Variants in CSMD3 observed in about 807,000 individuals in gnomAD.
The protein encoded by CSMD3 is CUB and Sushi multiple domains 3, also known as CUB and sushi domain-containing protein 3.
In CSMD3, 177 loss-of-function variants were observed where a neutral mutation model predicts 435.2. That is an observed-to-expected ratio of 0.41 (90% CI 0.36 to 0.46). The LOEUF is 0.46. Ranked by LOEUF, CSMD3 falls within the 20% of genes least tolerant of loss-of-function variation. The probability of loss-of-function intolerance (pLI) is 0.34; values close to 1 mark genes in which losing one functional copy is unlikely to be tolerated. For synonymous variants in CSMD3, 1,656 were observed against 1,520.5 expected, an observed-to-expected ratio of 1.09 and a Z score of -2.07; for missense variants, 4,265 against 4,504.6, an observed-to-expected ratio of 0.95 and a Z score of 1.52.
intron 44 of CSMD3, among the ~76,000 whole-genome samples, chr8:112,336,265 T>C (rs1157956917): frequency 6.6e-6 from 1 of 152,164 alleles, no homozygotes; most frequent in Non-Finnish European, 1.5e-5. Flanking sequence ...TACAATTAAA[T>C]TTTTATGGCA....
At chr8:112,773,154 G>T (rs1055324044) in intron 13 of CSMD3, among the ~76,000 whole-genome samples, 1 of 151,500 alleles carries the variant, frequency 6.6e-6, no homozygotes, top group Non-Finnish European at 1.5e-5. Context: ...TTCAAAAACA[G>T]GAAAAAATGC....
intron 22 of CSMD3, among the ~76,000 whole-genome samples, chr8:112,633,458 A>G (rs2074573034): frequency 6.6e-6 from 1 of 152,060 alleles, no homozygotes; most frequent in African/African-American, 2.4e-5. Flanking sequence ...CTGATAAGAT[A>G]GTTGTATTAA....
chr8:112,501,219 A>T (rs1383996805), intron 30 of CSMD3, among the ~76,000 whole-genome samples: 3 of 151,886 alleles, frequency 2.0e-5, no homozygotes, highest in Non-Finnish European at 1.5e-5. Flanking sequence ...GACAACATAG[A>T]TATATTTTTG....
intron 27 of CSMD3, among the ~76,000 whole-genome samples, chr8:112,533,511 G>A (rs1825742789): frequency 6.6e-6 from 1 of 151,878 alleles, no homozygotes; most frequent in East Asian, 1.9e-4. Flanking sequence ...AAACTGAAAA[G>A]ATACAAAGGA....
At chr8:113,278,215 C>A (rs1056616436) in intron 3 of CSMD3, among the ~76,000 whole-genome samples, 1 of 151,772 alleles carries the variant, frequency 6.6e-6, no homozygotes, top group Admixed American at 6.6e-5. Context: ...AACTTCTTCT[C>A]TTGACTCTAA....
At chr8:112,886,127 T>C (rs2081589814) in intron 10 of CSMD3, among the ~76,000 whole-genome samples, 1 of 151,706 alleles carries the variant, frequency 6.6e-6, no homozygotes, top group East Asian at 1.9e-4. Context: ...TTTTTTCTGA[T>C]GTTGATTTAG....
At chr8:112,530,524 A>G (rs1277943341) in intron 27 of CSMD3, among the ~76,000 whole-genome samples, 1 of 152,182 alleles carries the variant, frequency 6.6e-6, no homozygotes, top group Non-Finnish European at 1.5e-5. Flanking sequence ...GAAAGAAAAA[A>G]TAGCCTGCCA....
At chr8:112,811,003 C>A (rs777617528) in intron 12 of CSMD3, among the ~76,000 whole-genome samples, 19 of 151,938 alleles carry the variant, frequency 1.3e-4, no homozygotes, top group Admixed American at 7.2e-4. Flanking sequence ...CAAGAATCTG[C>A]TTGAACTATT....
chr8:113,193,450 G>T (rs2092613228), intron 3 of CSMD3, among the ~76,000 whole-genome samples: 3 of 151,250 alleles, frequency 2.0e-5, no homozygotes, highest in African/African-American at 7.3e-5. Context: ...AAACTAGATT[G>T]CTTCTTAGCT....
intron 3 of CSMD3, among the ~76,000 whole-genome samples, chr8:113,255,820 A>G (rs938807495): frequency 6.6e-6 from 1 of 151,100 alleles, no homozygotes; most frequent in Non-Finnish European, 1.5e-5. Context: ...ATATTTAACT[A>G]TAATAATATA....
intron 1 of CSMD3, among the ~76,000 whole-genome samples, chr8:113,321,983 CTTTG>C (rs551973865): frequency 5.9e-5 from 9 of 152,154 alleles, no homozygotes; most frequent in African/African-American, 1.9e-4. Flanking sequence ...TCAGAGAGGC[CTTTG>C]TTTTAAATTT....
At chr8:113,065,813 T>A (rs895381003) in intron 5 of CSMD3, among the ~76,000 whole-genome samples, 1 of 152,176 alleles carries the variant, frequency 6.6e-6, no homozygotes. Flanking sequence ...ATTAATTAGG[T>A]TCACAAAACT....
intron 23 of CSMD3, among the ~76,000 whole-genome samples, chr8:112,585,863 C>A (rs1830684352): frequency 6.6e-6 from 1 of 151,590 alleles, no homozygotes; most frequent in Admixed American, 6.6e-5. Flanking sequence ...TATATACAAG[C>A]ATCCTATTAA....
At chr8:112,342,970 A>ATTATATATATATATAT (rs1474949864) in intron 41 of CSMD3, among the ~76,000 whole-genome samples, 4 of 87,220 alleles carry the variant, frequency 4.6e-5, no homozygotes, top group African/African-American at 1.5e-4. Context: ...CTTGAAATGT[A>ATTATATATATATATAT]TTATATATAT....
At chr8:112,391,523 C>G (rs1332058176) in intron 35 of CSMD3, among the ~76,000 whole-genome samples, 5 of 152,048 alleles carry the variant, frequency 3.3e-5, no homozygotes, top group African/African-American at 1.2e-4. Context: ...GAAACCCCGT[C>G]TCTACTAAAA....
chr8:112,393,182 G>A (rs914906342), intron 35 of CSMD3, among the ~76,000 whole-genome samples: 3 of 152,166 alleles, frequency 2.0e-5, no homozygotes, highest in Non-Finnish European at 1.5e-5. Flanking sequence ...CACTGTGCCC[G>A]GCCTACAGAT....
At chr8:112,965,565 C>A (rs1033031706) in intron 7 of CSMD3, among the ~76,000 whole-genome samples, 1 of 151,824 alleles carries the variant, frequency 6.6e-6, no homozygotes, top group Non-Finnish European at 1.5e-5. Flanking sequence ...ATAGGACTAA[C>A]TCAAAAGCAT....
At chr8:112,516,656 C>A (rs721549) in intron 28 of CSMD3, among the ~76,000 whole-genome samples, 1 of 152,070 alleles carries the variant, frequency 6.6e-6, no homozygotes, top group Non-Finnish European at 1.5e-5. Context: ...ACAATATTTT[C>A]TTTCTTAAAT....
intron 13 of CSMD3, among the ~76,000 whole-genome samples, chr8:112,769,475 A>G (rs2132187227): frequency 6.6e-6 from 1 of 152,154 alleles, no homozygotes; most frequent in East Asian, 1.9e-4. Flanking sequence ...TGTAAAAGGT[A>G]ATTACATTTT....
Sources: allele counts gnomAD v4.1 joint callset (sites outside exome capture counted in the v4.1 genomes callset), GRCh38; gene constraint gnomAD v4.1.1; transcripts MANE v1.5; gene names NCBI Gene and HGNC (gene_info 2026-07-23, HGNC 2026-07-21).